Variants in CRIM1 observed in about 807,000 individuals in gnomAD.
CRIM1 encodes the protein cysteine rich transmembrane BMP regulator 1, also known as cysteine-rich motor neuron 1 protein.
In CRIM1, 32 loss-of-function variants were observed where a neutral mutation model predicts 116.4. That is an observed-to-expected ratio of 0.27 (90% confidence interval 0.21 to 0.37). The LOEUF is 0.37. Ranked by LOEUF, CRIM1 falls within the 10% of genes least tolerant of loss-of-function variation. The pLI is 1.00. For synonymous variants in CRIM1, 590 were observed against 509.2 expected, an observed-to-expected ratio of 1.16 and a Z score of -2.13; for missense variants, 1,331 against 1,354.8, an observed-to-expected ratio of 0.98 and a Z score of 0.28.
chr2:36,493,287 T>C (rs1680358643), intron 7 of CRIM1, among the ~76,000 whole-genome samples: 2 of 152,066 alleles, frequency 1.3e-5, no homozygotes, highest in Admixed American at 1.3e-4. Context: ...AAAAAAAGCA[T>C]TGTTTTCTAG....
At chr2:36,382,675 C>G (rs1670872690) in intron 1 of CRIM1, among the ~76,000 whole-genome samples, 1 of 152,228 alleles carries the variant, frequency 6.6e-6, no homozygotes, top group Non-Finnish European at 1.5e-5. Context: ...GTGTGATGCT[C>G]CAGGCAGTGC....
intron 7 of CRIM1, among the ~76,000 whole-genome samples, chr2:36,493,257 A>G (rs1317462774): frequency 6.6e-6 from 1 of 152,180 alleles, no homozygotes; most frequent in African/African-American, 2.4e-5. Flanking sequence ...GAAGAAGAAG[A>G]AAAATAAATA....
At chr2:36,429,673 G>A (rs1050995119) in intron 2 of CRIM1, among the ~76,000 whole-genome samples, 2 of 152,180 alleles carry the variant, frequency 1.3e-5, no homozygotes, top group Admixed American at 1.3e-4. Context: ...AAGTGGATAT[G>A]GTATAAAGTA....
chr2:36,533,235 C>T (rs1024640204), intron 13 of CRIM1, among the ~76,000 whole-genome samples: 8 of 152,054 alleles, frequency 5.3e-5, no homozygotes, highest in Non-Finnish European at 1.2e-4. Context: ...TTCCTGATGG[C>T]GTTTTCGCAA....
rs200582106 is a variant in CRIM1, at chr2:36,547,158, G to T, written c.2921G>T (p.Arg974Leu). 1.9e-6 allele frequency: 3 copies of T among 1,611,032 alleles called. 1 individual carries two copies. Among genetic ancestry groups the T allele is most frequent in the Middle Eastern group, 3.3e-4 (2 of 6,036 alleles). Reference protein sequence around the residue: ...KQWIPLLCWYRTPTKPSSLNN... With the variant: ...KQWIPLLCWYLTPTKPSSLNN... ...TGGATACCACTGCTTTGCTGGTATC[G>T]AACACCAACTAAGGTACTGTCTTGC... Residue 974 changes from arginine to leucine, a missense_variant, in exon 16 of 17, where the codon CGA (arginine) becomes CTA (leucine). By Grantham distance (102) the Arg-to-Leu change is moderately radical (BLOSUM62 -2). Coordinates refer to ENST00000280527, the MANE Select transcript of CRIM1 (RefSeq NM_016441.3).
intron 13 of CRIM1, among the ~76,000 whole-genome samples, chr2:36,536,491 T>G (rs768413646): frequency 7.9e-5 from 12 of 152,108 alleles, no homozygotes; most frequent in South Asian, 4.1e-4. Context: ...CGCCACCGGG[T>G]TTCGATTTGC....
In CRIM1 at chr2:36,512,319, G is replaced by C. The variant is rs369276093; in HGVS notation, c.1705G>C (p.Glu569Gln). 4 of 1,613,942 alleles carry C rather than the reference G, an allele frequency of 2.5e-6. No homozygotes were observed. Among genetic ancestry groups the C allele is most frequent in the Non-Finnish European group, 2.5e-6 (3 of 1,179,910 alleles). ...CDICRCKKCP[E>Q]LSCSKICPLG... ...CATCTGTCGCTGTAAGAAATGTCCA[G>C]AGCTCTCATGCAGTAAGATCTGCCC... Residue 569 changes from glutamate (E) to glutamine (Q), a missense_variant, in exon 10 of 17, where the codon GAG becomes CAG. Glu to Gln is a conservative substitution (Grantham distance 29). Transcript: ENST00000280527.
At chr2:36,407,848 T>A (rs568454438) in intron 2 of CRIM1, among the ~76,000 whole-genome samples, 6 of 152,342 alleles carry the variant, frequency 3.9e-5, no homozygotes, top group Non-Finnish European at 8.8e-5. Context: ...CAGTTGACAT[T>A]TAGAGTGATA....
chr2:36,473,578 G>A lies in CRIM1; in HGVS notation c.992-3311G>A, dbSNP rs1341123723. Among the ~76,000 whole-genome samples, 5 of 151,982 alleles carry A rather than the reference G, an allele frequency of 3.3e-5. 1 individual carries two copies. In the South Asian group the frequency reaches 6.2e-4, roughly 19 times the overall value. On this transcript the variant is annotated intron_variant, in intron 5 of 16. Transcript: ENST00000280527. The stretch of plus-strand genomic sequence containing the variant: ...TAATCTACTTTCTATCTCTATGGAC[G>A]TGCCTATGATGGGTGTTTCATATAA...
intron 13 of CRIM1, among the ~76,000 whole-genome samples, chr2:36,532,667 AACAG>A (rs1341274539): frequency 1.3e-5 from 2 of 152,152 alleles, no homozygotes; most frequent in Non-Finnish European, 1.5e-5. Flanking sequence ...CTTGGCACAC[AACAG>A]ACAGAGGTGC....
At chr2:36,535,211 TGGAG>T (rs1666459037) in intron 13 of CRIM1, among the ~76,000 whole-genome samples, 2 of 72,652 alleles carry the variant, frequency 2.8e-5, no homozygotes, top group Non-Finnish European at 5.3e-5. Flanking sequence ...GAAGGAAGGA[TGGAG>T]GGAGAAGGAA....
Position 36,527,166 on chromosome 2 carries a change from C to G in CRIM1, c.2428+4853C>G, listed in dbSNP as rs531028442. On this transcript the variant is annotated intron_variant, in intron 13 of 16. Coordinates refer to ENST00000280527, the MANE Select transcript of CRIM1 (RefSeq NM_016441.3). ...TTATTATATATAATATAAATATTTA[C>G]TTATACATTATATAAAATAAATACA... is the stretch of plus-strand genomic sequence containing the variant. 6.0e-5 allele frequency among the ~76,000 whole-genome samples: 9 copies of G among 151,008 alleles called. No individual in the cohort carries two copies. In the East Asian group the frequency reaches 1.7e-3, roughly 29 times the overall value.
intron 8 of CRIM1, among the ~76,000 whole-genome samples, chr2:36,502,428 GAAGA>G (rs1681065281): frequency 6.6e-6 from 1 of 152,138 alleles, no homozygotes; most frequent in Non-Finnish European, 1.5e-5. Context: ...TCACACTTAG[GAAGA>G]AATAGGTACA....
chr2:36,356,264 CGAG>C lies in CRIM1; in HGVS notation c.-21_-19del, dbSNP rs1472387571. The C allele has an allele frequency of 3.0e-6, 4 of 1,313,274 alleles. No individual in the cohort carries two copies. The highest frequency in any genetic ancestry group is 4.0e-6 in the Non-Finnish European group (4 of 1,000,198). 81.4% of individuals were successfully genotyped at this position (1,313,274 alleles called of 1,614,324 possible). A position where few individuals can be genotyped will look rare whatever the true frequency, so the allele number is the denominator to read the frequency against. On this transcript the variant is annotated 5_prime_UTR_variant, in exon 1 of 17. Transcript: ENST00000280527. The surrounding 1 kb of genome is among the most constrained non-coding windows in gnomAD (Gnocchi z 4.3). ...GCCCGCCCCGCTCCCGGCCCGGCTG[CGAG>C]GAGGAGGCGGCGGCGGCGCAGGAGG... is the stretch of plus-strand genomic sequence containing the variant.
chr2:36,357,714 C>T (rs1668947040), intron 1 of CRIM1, among the ~76,000 whole-genome samples: 2 of 152,110 alleles, frequency 1.3e-5, no homozygotes, highest in Non-Finnish European at 2.9e-5. Flanking sequence ...GGCATCCTGG[C>T]GAGTGAGCAG....
intron 13 of CRIM1, among the ~76,000 whole-genome samples, chr2:36,534,579 A>AAGAGGG: frequency 2.3e-5 from 3 of 129,796 alleles, no homozygotes; most frequent in Non-Finnish European, 3.3e-5. Flanking sequence ...GGGAGGAAGG[A>AAGAGGG]AGGGAGAGAC....
At position 36,541,923 on chromosome 2, in the gene CRIM1, A is replaced by G. The variant is rs531904473; in HGVS notation, c.2624-2453A>G. On this transcript the variant is annotated intron_variant, in intron 14 of 16. Transcript: ENST00000280527. Reference sequence around the variant, plus strand: ...AGGCGTGGAAACAAATAGCATTCCCACTTCTTTTTGTTTCAACAAGCAGTT... The same window carrying G: ...AGGCGTGGAAACAAATAGCATTCCCGCTTCTTTTTGTTTCAACAAGCAGTT... Among the ~76,000 whole-genome samples, 3 of 152,136 alleles carry G rather than the reference A, an allele frequency of 2.0e-5. No individual in the cohort carries two copies. In the South Asian group the frequency reaches 6.2e-4, roughly 31 times the overall value.
chr2:36,389,308 G>A (rs1328629309), intron 1 of CRIM1, among the ~76,000 whole-genome samples: 6 of 152,200 alleles, frequency 3.9e-5, no homozygotes, highest in Non-Finnish European at 8.8e-5. Flanking sequence ...CGAGCAGAAC[G>A]GAATGCCTGA....
At chr2:36,535,929 C>G (rs934826438) in intron 13 of CRIM1, among the ~76,000 whole-genome samples, 5 of 152,172 alleles carry the variant, frequency 3.3e-5, no homozygotes, top group African/African-American at 1.2e-4. Flanking sequence ...TAGGTATATA[C>G]AAATACTACG....
Sources: gnomAD v4.1 joint callset for allele counts (sites outside exome capture counted in the v4.1 genomes callset) on GRCh38, gnomAD v4.1.1 for gene constraint, Gnocchi (gnomAD v3.1) non-coding constraint, MANE v1.5 for transcripts, NCBI Gene and HGNC (gene_info 2026-07-23, HGNC 2026-07-21) for gene names.